RAB40C: variants seen among roughly 807,000 people sequenced by gnomAD.
RAB40C encodes ras-related protein Rab-40C.
RAB40C carries 8 observed loss-of-function variants against 28.1 expected under a neutral mutation model. The observed-to-expected ratio is 0.28, with a 90% CI of 0.17 to 0.51. The LOEUF (loss-of-function observed/expected upper bound fraction) is 0.51, where lower values mean the gene tolerates loss of function less well. RAB40C is among the 20% of genes least tolerant of loss of function. RAB40C has a pLI of 0.97. For missense variants in RAB40C, 288 were observed against 405.9 expected (o/e 0.71, Z 2.50); for synonymous variants, 201 against 171.7 (o/e 1.17, Z -1.34).
rs1221101613 is a variant in RAB40C at position 610,619 on chromosome 16, G to A, written c.143-6589G>A. Reference sequence around the variant, plus strand: ...CTGATGCCTAGGGACCCCCTTATGGGGTAGTGTTGAGCTCTGCAGCCGGAG... The same window carrying A: ...CTGATGCCTAGGGACCCCCTTATGGAGTAGTGTTGAGCTCTGCAGCCGGAG... On this transcript the variant is annotated intron_variant, in intron 1 of 5. Transcript: ENST00000248139. This position sits in a 1 kb window ranked among gnomAD's most constrained non-coding sequence, Gnocchi z 4.6. Among the ~76,000 whole-genome samples the A allele has an allele frequency of 6.6e-6, 1 of 152,186 alleles. No homozygotes were observed. Among genetic ancestry groups the A allele is most frequent in the African/African-American group, 2.4e-5 (1 of 41,442 alleles).
chr16:622,298 C>T (rs775847327), intron 3 of RAB40C, among the ~76,000 whole-genome samples: 3 of 152,150 alleles, frequency 2.0e-5, no homozygotes, highest in South Asian at 2.1e-4. Context: ...TACCAGTTCA[C>T]GAGCAGGCGG....
chr16:618,330 T>A (rs1025129472), intron 3 of RAB40C, 70 bp downstream of exon 3: 2 of 1,441,706 alleles, frequency 1.4e-6, no homozygotes, highest in Non-Finnish European at 1.9e-6. Flanking sequence ...GAATGTGAGT[T>A]GTTGTCCTGT....
At chr16:594,344 G>A (rs575461582) in intron 1 of RAB40C, among the ~76,000 whole-genome samples, 10 of 152,290 alleles carry the variant, frequency 6.6e-5, no homozygotes, top group African/African-American at 1.9e-4. Flanking sequence ...GGGGAGAAAC[G>A]GAGGGAGGCG....
chr16:616,785 G>T (rs2036594683), intron 1 of RAB40C: 4 of 180,490 alleles, frequency 2.2e-5, no homozygotes, highest in African/African-American at 9.4e-5. Context: ...GGAAATAAAG[G>T]CACTGCCCTT....
At chr16:624,099 CT>C in intron 3 of RAB40C, 5 of 985,476 alleles carry the variant, frequency 5.1e-6, no homozygotes, top group Non-Finnish European at 6.0e-6. Flanking sequence ...TCCCCTGAGG[CT>C]GGACATTTAA....
At chr16:598,721 A>G (rs998167852) in intron 1 of RAB40C, among the ~76,000 whole-genome samples, 1 of 152,128 alleles carries the variant, frequency 6.6e-6, no homozygotes, top group Non-Finnish European at 1.5e-5. Flanking sequence ...AGCCTGGGTG[A>G]CAGAGTGAGA....
At chr16:614,406 G>A (rs540295516) in intron 1 of RAB40C, among the ~76,000 whole-genome samples, 3 of 104,352 alleles carry the variant, frequency 2.9e-5, no homozygotes, top group East Asian at 3.2e-4. Flanking sequence ...ACCTCGTCCC[G>A]ATGGTGAACT....
At chr16:624,624 G>C in intron 3 of RAB40C, 2 of 985,378 alleles carry the variant, frequency 2.0e-6, no homozygotes, top group Non-Finnish European at 2.4e-6. Flanking sequence ...CCTCTTGTGT[G>C]ATAGGCTCTT....
chr16:596,396 G>A (rs1396122233), intron 1 of RAB40C: 6 of 454,284 alleles, frequency 1.3e-5, no homozygotes, highest in East Asian at 6.9e-5. Context: ...GCGAGCTGGC[G>A]TAGAGCAGGA....
chr16:625,045 C>G, intron 3 of RAB40C: 3 of 1,294,158 alleles, frequency 2.3e-6, no homozygotes, highest in Non-Finnish European at 3.0e-6. Context: ...AGCTCTGTCC[C>G]AGGTACTCCC....
chr16:617,597 C>T (rs2036613991), intron 2 of RAB40C, among the ~76,000 whole-genome samples: 1 of 150,724 alleles, frequency 6.6e-6, no homozygotes, highest in African/African-American at 2.4e-5. Flanking sequence ...CATCCCAGCA[C>T]TTTGGGAGGC....
At position 605,853 on chromosome 16, in the gene RAB40C, G is replaced by A. The variant is rs553534106; in HGVS notation, c.143-11355G>A. Among the ~76,000 whole-genome samples, 28 of 152,116 alleles carry A rather than the reference G, an allele frequency of 1.8e-4. No individual in the cohort carries two copies. In the South Asian group the frequency reaches 2.7e-3, roughly 15 times the overall value. On this transcript the variant is annotated intron_variant, in intron 1 of 5. Coordinates refer to ENST00000248139, the MANE Select transcript of RAB40C (RefSeq NM_021168.5). ...GGGCCTGTGTAGATGCTGCCAACCCGTTCTCCAAAGCAGTCACACAGTTTC... is the reference window on the plus strand; with the variant it reads ...GGGCCTGTGTAGATGCTGCCAACCCATTCTCCAAAGCAGTCACACAGTTTC...
At chr16:593,488 G>A (rs2036044760) in intron 1 of RAB40C, among the ~76,000 whole-genome samples, 1 of 152,236 alleles carries the variant, frequency 6.6e-6, no homozygotes, top group Non-Finnish European at 1.5e-5. Flanking sequence ...GGGTGCCCTT[G>A]GCAGGGAGGC....
chr16:616,956 TGACACTGTATG>T (rs1056362029), intron 1 of RAB40C: 5 of 508,272 alleles, frequency 9.8e-6, no homozygotes, highest in African/African-American at 9.7e-5. Context: ...CCCGATGGCC[TGACACTGTATG>T]GACCACGCTC....
At chr16:614,663 A>T (rs2036551889) in intron 1 of RAB40C, among the ~76,000 whole-genome samples, 1 of 149,160 alleles carries the variant, frequency 6.7e-6, no homozygotes, top group African/African-American at 2.5e-5. Flanking sequence ...TGAACTGCCA[A>T]ACTTTACCTC....
chr16:603,667 A>G (rs895159731), intron 1 of RAB40C, among the ~76,000 whole-genome samples: 3 of 152,168 alleles, frequency 2.0e-5, no homozygotes, highest in African/African-American at 7.2e-5. Context: ...TTGCATGTAC[A>G]GTTCTATGAG....
At chr16:616,687 C>CA (rs1221832694) in intron 1 of RAB40C, 1 of 154,022 alleles carries the variant, frequency 6.5e-6, no homozygotes, top group African/African-American at 2.4e-5. Flanking sequence ...CCAACCTTGG[C>CA]AGTTCCTGGG....
Position 610,802 on chromosome 16 carries a change from C to G in RAB40C, c.143-6406C>G, listed in dbSNP as rs556056280. 5.9e-5 allele frequency among the ~76,000 whole-genome samples: 9 copies of G among 151,746 alleles called. No homozygotes were observed. ...GCCTGGATAATTGAGACCTTCCAGG[C>G]CAAGGGCCCCCTCCCCAGGATCCTG... is the stretch of plus-strand genomic sequence containing the variant. On this transcript the variant is annotated intron_variant, in intron 1 of 5. Coordinates refer to ENST00000248139, the MANE Select transcript of RAB40C (RefSeq NM_021168.5). This position sits in a 1 kb window ranked among gnomAD's most constrained non-coding sequence, Gnocchi z 4.6.
chr16:594,750 C>T (rs2036074807), intron 1 of RAB40C, among the ~76,000 whole-genome samples: 1 of 151,850 alleles, frequency 6.6e-6, no homozygotes, highest in South Asian at 2.1e-4. Context: ...TGGTGTTGGG[C>T]ACCACTGACC....
Sources: gnomAD v4.1 joint callset for allele counts (sites outside exome capture counted in the v4.1 genomes callset) on GRCh38, gnomAD v4.1.1 for gene constraint, Gnocchi (gnomAD v3.1) non-coding constraint, MANE v1.5 for transcripts, NCBI Gene and HGNC (gene_info 2026-07-23, HGNC 2026-07-21) for gene names.